Variants in PCDH15 observed in about 807,000 individuals in gnomAD.
The protein encoded by PCDH15 is protocadherin-15.
A neutral mutation model predicts 178.5 loss-of-function variants in PCDH15; 129 were observed. The observed-to-expected ratio is 0.72, with a 90% CI of 0.63 to 0.84. PCDH15 has a LOEUF of 0.84. PCDH15 is among the 40% of genes least tolerant of loss of function. The pLI, the probability that PCDH15 is intolerant of heterozygous loss-of-function variation, is 0.00. For synonymous variants in PCDH15, 800 were observed against 732.0 expected (o/e 1.09, Z -1.50); for missense variants, 2,230 against 2,099.9 (o/e 1.06, Z -1.21).
At chr10:54,111,422 A>T (rs1254285598) in intron 15 of PCDH15, among the ~76,000 whole-genome samples, 1 of 152,202 alleles carries the variant, frequency 6.6e-6, no homozygotes, top group East Asian at 1.9e-4. Flanking sequence ...AAGGAAAAAA[A>T]AAATAACCAA....
At chr10:53,926,842 C>T (rs1469653039) in intron 25 of PCDH15, among the ~76,000 whole-genome samples, 2 of 152,172 alleles carry the variant, frequency 1.3e-5, no homozygotes, top group African/African-American at 2.4e-5. Context: ...CTTCATGCTA[C>T]TACTTATTGT....
At chr10:54,651,118 T>C (rs17499937) in intron 2 of PCDH15, among the ~76,000 whole-genome samples, 6 of 151,988 alleles carry the variant, frequency 3.9e-5, no homozygotes, top group African/African-American at 9.6e-5. Flanking sequence ...ACAAAGGAAA[T>C]TGAGCTTATA....
chr10:54,813,324 C>T (rs915987215), intron 3 of PCDH15, among the ~76,000 whole-genome samples: 6 of 151,972 alleles, frequency 3.9e-5, no homozygotes, highest in African/African-American at 1.4e-4. Flanking sequence ...TGCAGATCTC[C>T]GTTCTCACAT....
At chr10:55,607,407 C>T (rs1230093460) in intron 2 of PCDH15, among the ~76,000 whole-genome samples, 3 of 134,684 alleles carry the variant, frequency 2.2e-5, no homozygotes, top group South Asian at 5.0e-4. Flanking sequence ...GGTATATACC[C>T]AAAGGACTAT....
rs181015283 is a variant in PCDH15, at chr10:54,758,263, A to G, written c.-29+42662T>C. On this transcript the variant is annotated intron_variant, in intron 1 of 37. Transcript: ENST00000644397. ...GATGTGAAAGCCATACTAATTCAGT[A>G]GAAATGTTTCATCAAATTTTGAATT... Among the ~76,000 whole-genome samples the G allele has an allele frequency of 1.8e-3, 269 of 152,322 alleles. 2 individuals carry two copies. Among genetic ancestry groups the G allele is most frequent in the Non-Finnish European group, 2.8e-3 (192 of 68,024 alleles).
chr10:55,348,619 C>T (rs954870654), intron 2 of PCDH15, among the ~76,000 whole-genome samples: 36 of 152,050 alleles, frequency 2.4e-4, no homozygotes, highest in African/African-American at 8.7e-4. Flanking sequence ...TTAAGCTTGT[C>T]TGTGAAATAT....
At chr10:53,945,463 C>G (rs578224538) in intron 23 of PCDH15, among the ~76,000 whole-genome samples, 1 of 151,998 alleles carries the variant, frequency 6.6e-6, no homozygotes, top group East Asian at 1.9e-4. Flanking sequence ...CAATATTGTA[C>G]ATTGTTGTCA....
rs534904000 is a variant in PCDH15, at chr10:55,472,629, C to T, written c.-156+154996G>A. 4.1e-3 allele frequency among the ~76,000 whole-genome samples: 623 copies of T among 152,240 alleles called. 3 individuals carry two copies. The highest frequency in any genetic ancestry group is 7.0e-3 in the Non-Finnish European group (479 of 68,016). ...TGTCGCCCAGGCTGGAGTGCAGTGG[C>T]GCGGTCTGCGCTAACTGCAAGCTCC... On this transcript the variant is annotated intron_variant, in intron 2 of 5. Coordinates refer to the PCDH15 transcript ENST00000613346.
intron 2 of PCDH15, among the ~76,000 whole-genome samples, chr10:55,413,328 T>G (rs1838391038): frequency 6.6e-6 from 1 of 151,730 alleles, no homozygotes; most frequent in Non-Finnish European, 1.5e-5. Context: ...TCATGGACTT[T>G]ATGCTGTAGA....
chr10:55,453,553 T>G (rs1215904706), intron 2 of PCDH15, among the ~76,000 whole-genome samples: 1 of 152,174 alleles, frequency 6.6e-6, no homozygotes, highest in Non-Finnish European at 1.5e-5. Flanking sequence ...TCTGATTTGA[T>G]GCATGCATAT....
intron 2 of PCDH15, chr10:55,599,964 G>A (rs944533036): frequency 1.3e-6 from 2 of 1,506,398 alleles, no homozygotes; most frequent in African/African-American, 2.8e-5. Context: ...CCTATGAAGA[G>A]GCGGGTATAA....
intron 3 of PCDH15, among the ~76,000 whole-genome samples, chr10:54,426,289 C>A (rs1448569742): frequency 2.0e-5 from 3 of 152,168 alleles, no homozygotes. Context: ...ATAATATTTT[C>A]ATGGACAGGG....
chr10:55,071,388 A>G (rs1276184596), intron 2 of PCDH15, among the ~76,000 whole-genome samples: 1 of 152,174 alleles, frequency 6.6e-6, no homozygotes, highest in African/African-American at 2.4e-5. Flanking sequence ...CTCAAAGTAA[A>G]AGGATGGAGG....
At chr10:54,183,007 G>A (rs1375997547) in intron 13 of PCDH15, among the ~76,000 whole-genome samples, 1 of 151,078 alleles carries the variant, frequency 6.6e-6, no homozygotes, top group Non-Finnish European at 1.5e-5. Flanking sequence ...TTGAGATGGA[G>A]TTTTGCTCTT....
rs533840875 is a variant in PCDH15 at position 55,523,738 on chromosome 10, C to A, written c.-156+103887G>T. Among the ~76,000 whole-genome samples, 7 of 151,692 alleles carry A rather than the reference C, an allele frequency of 4.6e-5. No homozygotes were observed. The East Asian group carries it at 1.4e-3, about 30-fold the overall frequency. On this transcript the variant is annotated intron_variant, in intron 2 of 5. Transcript: ENST00000613346. The stretch of plus-strand genomic sequence containing the variant: ...ATCAGATTCCATATAGAAGGCGAAT[C>A]ATGACAATGCTAATCAAGGTAGAAA...
chr10:54,079,235 T>C (rs1433179721), intron 17 of PCDH15, 96 bp downstream of exon 17: 2 of 1,223,468 alleles, frequency 1.6e-6, no homozygotes, highest in African/African-American at 3.0e-5. Context: ...TTGCTCCAGA[T>C]GAAAAACATT....
chr10:54,314,307 T>G, intron 8 of PCDH15, among the ~76,000 whole-genome samples: 1 of 152,264 alleles, frequency 6.6e-6, no homozygotes, highest in Non-Finnish European at 1.5e-5. Context: ...CACATTTTAA[T>G]ACCAGCCCAA....
intron 2 of PCDH15, among the ~76,000 whole-genome samples, chr10:54,625,033 G>A (rs56327001): frequency 0.012 from 1,832 of 152,224 alleles, 39 homozygotes; most frequent in African/African-American, 0.042. Flanking sequence ...CACTGGGTCC[G>A]TAGAAAAATT....
At chr10:54,978,230 C>T (rs994690306) in intron 2 of PCDH15, among the ~76,000 whole-genome samples, 1 of 151,998 alleles carries the variant, frequency 6.6e-6, no homozygotes, top group Admixed American at 6.6e-5. Flanking sequence ...TTAGCACTAA[C>T]CTCAATTATA....
Sources: allele counts gnomAD v4.1 joint callset (sites outside exome capture counted in the v4.1 genomes callset), GRCh38; gene constraint gnomAD v4.1.1; transcripts MANE v1.5; gene names NCBI Gene and HGNC (gene_info 2026-07-23, HGNC 2026-07-21).